SGCD: variants seen among roughly 807,000 people sequenced by gnomAD.
SGCD encodes sarcoglycan delta.
Under a neutral mutation model 36.6 loss-of-function variants are expected in SGCD, and 18 were observed. That is an observed-to-expected ratio of 0.49 (90% CI 0.34 to 0.73). The LOEUF (loss-of-function observed/expected upper bound fraction) is 0.73, where lower values mean the gene tolerates loss of function less well. SGCD is among the 30% of genes least tolerant of loss of function. SGCD has a pLI of 0.01. For synonymous variants in SGCD, 133 were observed against 130.6 expected, an observed-to-expected ratio of 1.02 and a Z score of -0.12; for missense variants, 387 against 346.7, an observed-to-expected ratio of 1.12 and a Z score of -0.92.
intron 1 of SGCD, among the ~76,000 whole-genome samples, chr5:156,034,542 A>T (rs1265223702): frequency 2.0e-5 from 3 of 152,130 alleles, no homozygotes; most frequent in Non-Finnish European, 4.4e-5. Context: ...ATAACTCTGT[A>T]CTTCTTTGTA....
the SGCD span, among the ~76,000 whole-genome samples, chr5:155,773,055 G>T: frequency 1.4e-3 from 212 of 152,208 alleles, 2 homozygotes; most frequent in East Asian, 0.032. Flanking sequence ...CATTTGGGGA[G>T]TTTTTGGCCT....
At chr5:156,342,005 C>G (rs746741968) in intron 2 of SGCD, among the ~76,000 whole-genome samples, 1 of 152,170 alleles carries the variant, frequency 6.6e-6, no homozygotes. Context: ...AGCCACCATG[C>G]CCGGCTGAGT....
chr5:155,994,524 A>C (rs1758499567), intron 1 of SGCD, among the ~76,000 whole-genome samples: 1 of 152,178 alleles, frequency 6.6e-6, no homozygotes, highest in African/African-American at 2.4e-5. Context: ...AGGTTTTATA[A>C]AGTGAAAGTT....
At chr5:156,216,962 C>A (rs763496466) in intron 3 of SGCD, among the ~76,000 whole-genome samples, 4 of 152,110 alleles carry the variant, frequency 2.6e-5, no homozygotes, top group Non-Finnish European at 5.9e-5. Flanking sequence ...GCCTGTAATC[C>A]AGCTACTCTG....
the SGCD span, among the ~76,000 whole-genome samples, chr5:155,738,837 G>A: frequency 6.8e-6 from 1 of 148,102 alleles, no homozygotes; most frequent in South Asian, 2.1e-4. Flanking sequence ...GTGTGAGACT[G>A]TGAGAGAGTA....
the SGCD span, among the ~76,000 whole-genome samples, chr5:155,796,642 A>G: frequency 6.6e-6 from 1 of 151,770 alleles, no homozygotes; most frequent in Non-Finnish European, 1.5e-5. Flanking sequence ...CGTCTCTATT[A>G]AAAATACAAA....
chr5:156,298,376 C>T (rs886535183), intron 3 of SGCD, among the ~76,000 whole-genome samples: 1 of 152,012 alleles, frequency 6.6e-6, no homozygotes, highest in Non-Finnish European at 1.5e-5. Flanking sequence ...TTTACATTCC[C>T]ACCAACAGTG....
the SGCD span, among the ~76,000 whole-genome samples, chr5:155,809,831 T>C: frequency 6.6e-6 from 1 of 152,220 alleles, no homozygotes; most frequent in Non-Finnish European, 1.5e-5. Context: ...AAAGCATCTT[T>C]TTTAATACAA....
intron 3 of SGCD, chr5:156,393,611 T>C: frequency 2.4e-6 from 1 of 410,856 alleles, no homozygotes; most frequent in Non-Finnish European, 5.0e-6. Flanking sequence ...GAAGTCATGT[T>C]AATAGGTTGA....
intron 3 of SGCD, among the ~76,000 whole-genome samples, chr5:156,486,466 G>A (rs1755662957): frequency 6.6e-6 from 1 of 152,114 alleles, no homozygotes. Context: ...TCTTGGGACT[G>A]GCCCTGCTGG....
At chr5:156,252,356 C>A (rs373714209) in intron 3 of SGCD, among the ~76,000 whole-genome samples, 6 of 152,026 alleles carry the variant, frequency 3.9e-5, no homozygotes, top group Non-Finnish European at 7.4e-5. Context: ...AGATTACAGG[C>A]GTGAGCCACT....
the SGCD span, among the ~76,000 whole-genome samples, chr5:155,865,105 T>TAGAA: frequency 7.9e-5 from 12 of 151,874 alleles, no homozygotes; most frequent in Admixed American, 7.2e-4. Context: ...GATAGATAGA[T>TAGAA]AGATAGATAG....
At chr5:156,133,431 T>G (rs1762375180) in intron 3 of SGCD, among the ~76,000 whole-genome samples, 1 of 152,210 alleles carries the variant, frequency 6.6e-6, no homozygotes, top group Admixed American at 6.5e-5. Context: ...TTCTTCCTAC[T>G]TCCAATAATA....
intron 4 of SGCD, among the ~76,000 whole-genome samples, chr5:156,540,954 CAAG>C (rs1758327143): frequency 6.6e-6 from 1 of 152,024 alleles, no homozygotes; most frequent in Non-Finnish European, 1.5e-5. Flanking sequence ...AAACAAGAAA[CAAG>C]TAGGTATCCA....
At chr5:156,038,140 A>G (rs1395428428) in intron 1 of SGCD, among the ~76,000 whole-genome samples, 2 of 152,164 alleles carry the variant, frequency 1.3e-5, no homozygotes, top group East Asian at 3.9e-4. Flanking sequence ...CTGTTAGAGA[A>G]CTTCAAATCA....
At chr5:155,990,951 A>G (rs900789388) in intron 1 of SGCD, among the ~76,000 whole-genome samples, 3 of 152,144 alleles carry the variant, frequency 2.0e-5, no homozygotes, top group Non-Finnish European at 2.9e-5. Context: ...AGCCATTCTC[A>G]ATCCTGAGTG....
upstream of SGCD, among the ~76,000 whole-genome samples, chr5:155,868,304 A>C (rs1246448780): frequency 1.3e-5 from 2 of 151,256 alleles, no homozygotes; most frequent in Non-Finnish European, 2.9e-5. Flanking sequence ...CACCCACTTC[A>C]GCCTCCAAAA....
chr5:156,397,234 T>C (rs1771904845), intron 3 of SGCD, among the ~76,000 whole-genome samples: 1 of 152,216 alleles, frequency 6.6e-6, no homozygotes, highest in African/African-American at 2.4e-5. Flanking sequence ...TTTTCTAGTT[T>C]ATGTTCTTTA....
intron 1 of SGCD, among the ~76,000 whole-genome samples, chr5:156,027,070 C>A (rs1259319374): frequency 6.6e-6 from 1 of 152,128 alleles, no homozygotes; most frequent in Non-Finnish European, 1.5e-5. Context: ...TTGCTGTTAA[C>A]CAGCAGTATT....
Sources: gnomAD v4.1 joint callset for allele counts (sites outside exome capture counted in the v4.1 genomes callset) on GRCh38, gnomAD v4.1.1 for gene constraint, MANE v1.5 for transcripts, NCBI Gene and HGNC (gene_info 2026-07-23, HGNC 2026-07-21) for gene names.